The following NAV3 variants were observed in gnomAD, a reference collection of about 807,000 sequenced individuals.
The protein encoded by NAV3 is pore membrane and/or filament interacting like protein 1.
In NAV3, 87 loss-of-function variants were observed where a neutral mutation model predicts 244.7. The observed-to-expected ratio is 0.36, with a 90% CI of 0.30 to 0.42. The LOEUF is 0.42. Ranked by LOEUF, NAV3 falls within the 20% of genes least tolerant of loss-of-function variation. The pLI is 1.00. For missense variants in NAV3, 2,663 were observed against 2,893.3 expected (o/e 0.92, Z 1.83); for synonymous variants, 1,126 against 1,042.2 (o/e 1.08, Z -1.55).
intron 9 of NAV3, among the ~76,000 whole-genome samples, chr12:78,038,479 T>C (rs926932130): frequency 3.3e-5 from 5 of 152,224 alleles, no homozygotes; most frequent in African/African-American, 1.2e-4. Context: ...TGGATTCTTT[T>C]AGTGAACCAG....
chr12:77,879,412 AT>A (rs1882305462), intron 1 of NAV3, among the ~76,000 whole-genome samples: 1 of 152,174 alleles, frequency 6.6e-6, no homozygotes, highest in African/African-American at 2.4e-5. Flanking sequence ...TCACACCTGT[AT>A]TCCTAAGACT....
chr12:78,153,886 C>A (rs1036864096), intron 22 of NAV3, among the ~76,000 whole-genome samples: 2 of 151,650 alleles, frequency 1.3e-5, no homozygotes, highest in African/African-American at 4.8e-5. Context: ...ATGAGAAACA[C>A]TTCAGTGTTT....
At chr12:78,022,046 A>G (rs1487583290) in intron 9 of NAV3, among the ~76,000 whole-genome samples, 184 bp downstream of exon 9, 1 of 152,198 alleles carries the variant, frequency 6.6e-6, no homozygotes, top group Non-Finnish European at 1.5e-5. Context: ...TTGTTACTAT[A>G]AAAGGAATGG....
intron 1 of NAV3, among the ~76,000 whole-genome samples, chr12:77,865,796 T>TGC (rs1487943286): frequency 1.7e-4 from 2 of 11,526 alleles, no homozygotes; most frequent in Non-Finnish European, 7.9e-4. Context: ...CACGTATATA[T>TGC]GCGTGTGTGT....
chr12:78,026,620 C>T (rs535087576), intron 9 of NAV3, among the ~76,000 whole-genome samples: 1 of 152,146 alleles, frequency 6.6e-6, no homozygotes, highest in Non-Finnish European at 1.5e-5. Flanking sequence ...CTCAGAAATT[C>T]AGAAACTGAA....
At chr12:77,873,908 G>A (rs1482528097) in intron 1 of NAV3, among the ~76,000 whole-genome samples, 1 of 151,050 alleles carries the variant, frequency 6.6e-6, no homozygotes, top group Non-Finnish European at 1.5e-5. Context: ...ACTGGTACCG[G>A]TCTGTGGCCT....
intron 1 of NAV3, among the ~76,000 whole-genome samples, chr12:77,890,396 A>C: frequency 6.6e-6 from 1 of 152,126 alleles, no homozygotes; most frequent in Admixed American, 6.6e-5. Context: ...GATTACAGGC[A>C]TGAACCACTG....
Position 78,091,608 on chromosome 12 carries a change from A to C in NAV3, c.2637-25164A>C, listed in dbSNP as rs182828042. The C allele has an allele frequency of 3.3e-5, 5 of 151,724 alleles. No homozygotes were observed. The East Asian group carries it at 9.7e-4, about 29-fold the overall frequency. 9.4% of individuals were successfully genotyped at this position (151,724 alleles called of 1,614,324 possible). ...TCAGGAGATCGAGACCATCCCGGCT[A>C]AAACGGTGAAACCCCGTCTCTACTA... On this transcript the variant is annotated intron_variant, in intron 12 of 39. Transcript: ENST00000397909.
chr12:78,104,426 G>A (rs1954697740), intron 12 of NAV3, among the ~76,000 whole-genome samples: 3 of 152,060 alleles, frequency 2.0e-5, no homozygotes, highest in Admixed American at 1.3e-4. Context: ...ATCATAAAAA[G>A]CAGGCAAAAG....
At chr12:78,143,626 GAAAA>G (rs71088361) in intron 20 of NAV3, among the ~76,000 whole-genome samples, 2 of 75,954 alleles carry the variant, frequency 2.6e-5, no homozygotes, top group African/African-American at 9.3e-5. Flanking sequence ...CACTGTCTCA[GAAAA>G]AAAAAAAAAA....
chr12:77,837,859 T>A (rs1874942502), intron 1 of NAV3, among the ~76,000 whole-genome samples: 2 of 152,342 alleles, frequency 1.3e-5, no homozygotes, highest in Non-Finnish European at 1.5e-5. Flanking sequence ...TACTGCATTG[T>A]TTGAGTAACA....
rs747275519 is a variant in NAV3 at position 78,177,646 on chromosome 12, A to C, written c.5324A>C (p.Lys1775Thr). The C allele has an allele frequency of 1.3e-6, 2 of 1,597,370 alleles. No homozygotes were observed. Among genetic ancestry groups the C allele is most frequent in the South Asian group, 1.1e-5 (1 of 91,052 alleles). The change falls in exon 28 of 40, where the codon AAA (lysine) becomes ACA (threonine). Residue 1775 changes from lysine to threonine, a missense_variant. Transcript: ENST00000397909. ...TCACCCCTTGTCTGGCCACCAAAGA[A>C]ACGACAAAATGGCCCTGTGATCTAC... Reference protein sequence around the residue: ...SASPLVWPPKKRQNGPVIYKH... With the variant: ...SASPLVWPPKTRQNGPVIYKH...
intron 8 of NAV3, among the ~76,000 whole-genome samples, chr12:78,017,045 C>G (rs1054633866): frequency 6.6e-6 from 1 of 152,016 alleles, no homozygotes; most frequent in Admixed American, 6.6e-5. Context: ...TAGCCAGATT[C>G]AAGTACTGGT....
chr12:78,111,287 A>G (rs1029588583), intron 12 of NAV3, among the ~76,000 whole-genome samples: 2 of 152,120 alleles, frequency 1.3e-5, no homozygotes, highest in African/African-American at 4.8e-5. Context: ...TTCACTGACA[A>G]TGTTAACTCA....
intron 1 of NAV3, among the ~76,000 whole-genome samples, chr12:77,939,878 C>A (rs778259709): frequency 6.6e-6 from 1 of 152,152 alleles, no homozygotes; most frequent in Non-Finnish European, 1.5e-5. Context: ...CATACAGTAT[C>A]TCACATGACA....
intron 2 of NAV3, among the ~76,000 whole-genome samples, chr12:77,645,664 T>C (rs1305445011): frequency 6.6e-6 from 1 of 151,810 alleles, no homozygotes; most frequent in Non-Finnish European, 1.5e-5. Flanking sequence ...TTTGCAAATA[T>C]ATTAATTTTG....
intron 9 of NAV3, chr12:78,036,655 T>G (rs1879935336): frequency 4.4e-6 from 2 of 458,936 alleles, no homozygotes; most frequent in Non-Finnish European, 7.8e-6. Flanking sequence ...AAAATATTTG[T>G]AAGTACTGCT....
At chr12:77,674,678 CATGCCCAGTCT>C (rs1218896514) in intron 2 of NAV3, among the ~76,000 whole-genome samples, 2 of 152,232 alleles carry the variant, frequency 1.3e-5, no homozygotes, top group African/African-American at 4.8e-5. Context: ...CATTAGCCAC[CATGCCCAGTCT>C]ATACTCCAAT....
chr12:77,591,463 G>A (rs1029251674), intron 2 of NAV3, among the ~76,000 whole-genome samples: 4 of 152,170 alleles, frequency 2.6e-5, no homozygotes, highest in Non-Finnish European at 5.9e-5. Context: ...TTTCTAGAAA[G>A]TGTATAAAAT....
Sources: gnomAD v4.1 joint callset for allele counts (sites outside exome capture counted in the v4.1 genomes callset) on GRCh38, gnomAD v4.1.1 for gene constraint, MANE v1.5 for transcripts, NCBI Gene and HGNC (gene_info 2026-07-23, HGNC 2026-07-21) for gene names.